PCP4: variants seen among roughly 807,000 people sequenced by gnomAD.
PCP4 encodes calmodulin regulator protein PCP4.
Under a neutral mutation model 10.0 loss-of-function variants are expected in PCP4, and 8 were observed. The ratio of observed to expected loss-of-function variants is 0.80; its 90% CI spans 0.47 to 1.45. PCP4 has a LOEUF of 1.45. Among genes scored for constraint, PCP4 ranks in the 40% most tolerant of loss-of-function variants. The probability of loss-of-function intolerance (pLI) is 0.00; values close to 1 mark genes in which losing one functional copy is unlikely to be tolerated. For synonymous variants in PCP4, 21 were observed against 23.0 expected, an observed-to-expected ratio of 0.91 and a Z score of 0.24; for missense variants, 54 against 74.4, an observed-to-expected ratio of 0.73 and a Z score of 1.01.
intron 1 of PCP4, among the ~76,000 whole-genome samples, chr21:39,881,720 G>C (rs1327712591): frequency 6.6e-6 from 1 of 152,140 alleles, no homozygotes; most frequent in Non-Finnish European, 1.5e-5. Context: ...AAATAAGAGA[G>C]GGCAGGAAAC....
chr21:39,908,705 C>T (rs556997631), intron 2 of PCP4, among the ~76,000 whole-genome samples: 21 of 152,150 alleles, frequency 1.4e-4, no homozygotes, highest in East Asian at 1.9e-4. Flanking sequence ...GGAGTGCCCG[C>T]GGCTCCAGGT....
At chr21:39,914,371 C>T (rs1348388837) in intron 2 of PCP4, among the ~76,000 whole-genome samples, 2 of 152,046 alleles carry the variant, frequency 1.3e-5, no homozygotes, top group African/African-American at 2.4e-5. Flanking sequence ...GTCAGGAGTT[C>T]GAGATCAGCC....
intron 1 of PCP4, among the ~76,000 whole-genome samples, chr21:39,876,229 C>A (rs904037688): frequency 6.6e-6 from 1 of 152,058 alleles, no homozygotes; most frequent in African/African-American, 2.4e-5. Flanking sequence ...ACTTGTTCAT[C>A]TTTCAAAGCC....
At chr21:39,889,694 G>A (rs924359607) in intron 1 of PCP4, among the ~76,000 whole-genome samples, 1 of 152,086 alleles carries the variant, frequency 6.6e-6, no homozygotes. Flanking sequence ...GGGATTACAG[G>A]CGTGAGCCAC....
chr21:39,919,306 T>C (rs781055760), intron 2 of PCP4, among the ~76,000 whole-genome samples: 1 of 152,346 alleles, frequency 6.6e-6, no homozygotes, highest in South Asian at 2.1e-4. Flanking sequence ...AGCTGACAGA[T>C]GTTAATTCTT....
At chr21:39,927,285 T>C (rs921232984) in intron 2 of PCP4, among the ~76,000 whole-genome samples, 1 of 106,108 alleles carries the variant, frequency 9.4e-6, no homozygotes, top group Non-Finnish European at 2.1e-5. Flanking sequence ...CTCTGATCTA[T>C]CTATCTATCT....
Position 39,929,359 on chromosome 21 carries a change from G to C in PCP4, c.*248G>C. 1 of 327,438 alleles carries C rather than the reference G, an allele frequency of 3.1e-6. No individual in the cohort carries two copies. Among genetic ancestry groups the C allele is most frequent in the East Asian group, 4.9e-5 (1 of 20,498 alleles). 20.3% of individuals were successfully genotyped at this position (327,438 alleles called of 1,614,324 possible). A position where few individuals can be genotyped will look rare whatever the true frequency, so the allele number is the denominator to read the frequency against. Reference sequence around the variant, plus strand: ...CATTCCTCCTGCAACTATTTTCCTTGATGTTGTAATAAAATGAAGTTACGA... The same window carrying C: ...CATTCCTCCTGCAACTATTTTCCTTCATGTTGTAATAAAATGAAGTTACGA... On this transcript the variant is annotated 3_prime_UTR_variant, in exon 3 of 3. Transcript: ENST00000328619.
chr21:39,910,769 T>C (rs1288809300), intron 2 of PCP4, among the ~76,000 whole-genome samples: 1 of 152,230 alleles, frequency 6.6e-6, no homozygotes, highest in African/African-American at 2.4e-5. Flanking sequence ...AGGGTCTTCC[T>C]CGCCCTTTAG....
chr21:39,926,926 G>A (rs1241287579), intron 2 of PCP4, among the ~76,000 whole-genome samples: 1 of 152,178 alleles, frequency 6.6e-6, no homozygotes, highest in Non-Finnish European at 1.5e-5. Context: ...GGTTAAAAAG[G>A]AAGCACCCCC....
chr21:39,916,603 C>T (rs2087569600), intron 2 of PCP4, among the ~76,000 whole-genome samples: 1 of 152,142 alleles, frequency 6.6e-6, no homozygotes. Flanking sequence ...CCCAGCAATC[C>T]CATTATTGGG....
At chr21:39,901,226 CT>C (rs2087481049) in intron 2 of PCP4, among the ~76,000 whole-genome samples, 1 of 152,058 alleles carries the variant, frequency 6.6e-6, no homozygotes, top group Non-Finnish European at 1.5e-5. Context: ...AAACTCTTAC[CT>C]TTTATAATAA....
At chr21:39,903,509 T>C (rs2087490685) in intron 2 of PCP4, among the ~76,000 whole-genome samples, 1 of 152,146 alleles carries the variant, frequency 6.6e-6, no homozygotes, top group Non-Finnish European at 1.5e-5. Flanking sequence ...GCCCCTTCCT[T>C]GGGAGAGAGA....
intron 1 of PCP4, among the ~76,000 whole-genome samples, chr21:39,895,996 C>T (rs1053329411): frequency 1.3e-5 from 2 of 152,178 alleles, no homozygotes; most frequent in African/African-American, 2.4e-5. Flanking sequence ...ATGTGAGACA[C>T]CTTCACCTAC....
intron 2 of PCP4, among the ~76,000 whole-genome samples, chr21:39,927,669 T>C (rs1274041496): frequency 6.6e-6 from 1 of 152,172 alleles, no homozygotes; most frequent in Non-Finnish European, 1.5e-5. Context: ...GCTGGCCTCC[T>C]CTGCTCTAGG....
intron 1 of PCP4, among the ~76,000 whole-genome samples, chr21:39,883,133 TC>T (rs5843984): frequency 1 from 151,584 of 152,312 alleles, 75,428 homozygotes; most frequent in East Asian, 1. Context: ...GACAAGTATT[TC>T]CTTTGTGTAC....
At position 39,906,919 on chromosome 21, in the gene PCP4, G is replaced by A. The variant is rs1263260518; in HGVS notation, c.61+8392G>A. ...CTTGTCAATTACTTTTATGGAAATA[G>A]TATTTCTCACGCGCTTGAAAACACT... is the stretch of plus-strand genomic sequence containing the variant. On this transcript the variant is annotated intron_variant, in intron 2 of 2. Transcript: ENST00000328619. This position sits in a 1 kb window ranked among gnomAD's most constrained non-coding sequence, Gnocchi z 6.3. 6.6e-6 allele frequency among the ~76,000 whole-genome samples: 1 copy of A among 152,110 alleles called. No homozygotes were observed. Among genetic ancestry groups the A allele is most frequent in the African/African-American group, 2.4e-5 (1 of 41,410 alleles).
At chr21:39,893,720 A>G (rs1271974122) in intron 1 of PCP4, among the ~76,000 whole-genome samples, 2 of 152,230 alleles carry the variant, frequency 1.3e-5, no homozygotes, top group Non-Finnish European at 2.9e-5. Context: ...TTGTGAGGGA[A>G]ATATGTCTTT....
At chr21:39,921,649 AG>A (rs2087597148) in intron 2 of PCP4, among the ~76,000 whole-genome samples, 1 of 152,138 alleles carries the variant, frequency 6.6e-6, no homozygotes, top group Non-Finnish European at 1.5e-5. Flanking sequence ...CTACATTTGG[AG>A]ATGGTTAAAG....
intron 1 of PCP4, among the ~76,000 whole-genome samples, chr21:39,889,366 G>A (rs959634966): frequency 6.7e-6 from 1 of 148,848 alleles, no homozygotes; most frequent in South Asian, 2.1e-4. Context: ...TGAGCCCCCC[G>A]CCCAGTCCAA....
Sources: allele counts gnomAD v4.1 joint callset (sites outside exome capture counted in the v4.1 genomes callset), GRCh38; gene constraint gnomAD v4.1.1; non-coding constraint Gnocchi (gnomAD v3.1); transcripts MANE v1.5; gene names NCBI Gene and HGNC (gene_info 2026-07-23, HGNC 2026-07-21).